Variants in PTBP3 observed in about 807,000 individuals in gnomAD.
PTBP3 encodes the protein polypyrimidine tract-binding protein 3.
In PTBP3, 20 loss-of-function variants were observed where a neutral mutation model predicts 58.7. The observed-to-expected ratio is 0.34, with a 90% CI of 0.24 to 0.50. The LOEUF (loss-of-function observed/expected upper bound fraction) is 0.50. Among genes scored for constraint, PTBP3 ranks in the 20% least tolerant of loss-of-function variants. The probability of loss-of-function intolerance (pLI) is 0.98; values close to 1 mark genes in which losing one functional copy is unlikely to be tolerated. For missense variants in PTBP3, 509 were observed against 637.2 expected (o/e 0.80, Z 2.17); for synonymous variants, 185 against 219.8 (o/e 0.84, Z 1.40).
At chr9:112,238,125 A>T (rs1835506025) in intron 7 of PTBP3, among the ~76,000 whole-genome samples, 1 of 152,184 alleles carries the variant, frequency 6.6e-6, no homozygotes, top group South Asian at 2.1e-4. Flanking sequence ...AAAAAACCCA[A>T]AAAGTCAGAA....
intron 5 of PTBP3, among the ~76,000 whole-genome samples, chr9:112,261,304 C>T (rs573992280): frequency 2.6e-5 from 4 of 152,298 alleles, no homozygotes; most frequent in South Asian, 2.1e-4. Flanking sequence ...AAACCCAGTA[C>T]GCCTACTCAA....
At chr9:112,330,726 T>A (rs1830335850) in intron 1 of PTBP3, among the ~76,000 whole-genome samples, 1 of 152,190 alleles carries the variant, frequency 6.6e-6, no homozygotes, top group Admixed American at 6.5e-5. Context: ...TAGGAAAGTA[T>A]AGTCAAACTT....
intron 2 of PTBP3, among the ~76,000 whole-genome samples, chr9:112,284,396 C>T (rs189887582): frequency 1.9e-4 from 29 of 152,268 alleles, no homozygotes; most frequent in Admixed American, 1.8e-3. Flanking sequence ...TATTTTGGAG[C>T]CTTAAGATTT....
chr9:112,287,349 T>TC, intron 2 of PTBP3, among the ~76,000 whole-genome samples: 1 of 146,504 alleles, frequency 6.8e-6, no homozygotes, highest in South Asian at 2.2e-4. Context: ...TTGTTTTTTT[T>TC]TTTTTTTTGA....
intron 2 of PTBP3, among the ~76,000 whole-genome samples, chr9:112,290,699 T>A (rs377613550): frequency 1.5e-5 from 1 of 64,618 alleles, no homozygotes; most frequent in Admixed American, 1.7e-4. Flanking sequence ...TATATATATA[T>A]ATATATATAC....
At chr9:112,233,951 G>A (rs77404729) in intron 8 of PTBP3, among the ~76,000 whole-genome samples, 10 of 74,924 alleles carry the variant, frequency 1.3e-4, no homozygotes, top group South Asian at 5.2e-4. Flanking sequence ...ACAAAAAAAA[G>A]AGAGAGAGAG....
the PTBP3 span, among the ~76,000 whole-genome samples, chr9:112,352,570 C>T: frequency 2.6e-5 from 4 of 152,168 alleles, no homozygotes; most frequent in African/African-American, 9.7e-5. Flanking sequence ...AAAATGAACC[C>T]CAGGGTGTAT....
intron 2 of PTBP3, among the ~76,000 whole-genome samples, chr9:112,285,279 T>C (rs1379258090): frequency 1.3e-5 from 2 of 152,236 alleles, no homozygotes; most frequent in Non-Finnish European, 2.9e-5. Context: ...TGCTGCCATG[T>C]AATAAGACTT....
intron 1 of PTBP3, chr9:112,330,504 GA>G: frequency 6.8e-7 from 1 of 1,461,634 alleles, no homozygotes; most frequent in Non-Finnish European, 9.4e-7. Context: ...AGAGAAAATG[GA>G]AAACAAAGTT....
At chr9:112,295,296 T>G (rs1828628764) in intron 2 of PTBP3, among the ~76,000 whole-genome samples, 1 of 150,958 alleles carries the variant, frequency 6.6e-6, no homozygotes. Context: ...AAAGTCTAAA[T>G]GTAGGAATTC....
chr9:112,218,199 G>C (rs574069203), downstream of PTBP3: 1 of 152,222 alleles, frequency 6.6e-6, no homozygotes, highest in East Asian at 1.9e-4. Context: ...TGCATCATAG[G>C]AAGATTAGGA....
the PTBP3 span, among the ~76,000 whole-genome samples, chr9:112,339,421 T>C: frequency 0.29 from 43,686 of 151,924 alleles, 7,114 homozygotes; most frequent in South Asian, 0.41. Flanking sequence ...TCCTTAAAAC[T>C]GTTGTCCCCC....
At chr9:112,244,829 C>CA (rs1554790366) in intron 7 of PTBP3, among the ~76,000 whole-genome samples, 1 of 148,390 alleles carries the variant, frequency 6.7e-6, no homozygotes, top group Non-Finnish European at 1.5e-5. Context: ...ACTGCTGCTG[C>CA]TTTTTTTTTT....
chr9:112,320,361 A>G (rs1400376468), intron 1 of PTBP3, among the ~76,000 whole-genome samples: 7 of 145,682 alleles, frequency 4.8e-5, no homozygotes, highest in African/African-American at 1.5e-4. Flanking sequence ...GTGACAATGC[A>G]TATGTTAATT....
At chr9:112,236,191 A>T (rs1288739650) in intron 7 of PTBP3, among the ~76,000 whole-genome samples, 2 of 152,196 alleles carry the variant, frequency 1.3e-5, no homozygotes, top group South Asian at 2.1e-4. Flanking sequence ...AATTATAGTA[A>T]TTCAAGAAAA....
In PTBP3 at chr9:112,325,810, G is replaced by A. The variant is rs927402925; in HGVS notation, c.-52+7660C>T. 9.2e-5 allele frequency among the ~76,000 whole-genome samples: 14 copies of A among 152,234 alleles called. No individual in the cohort carries two copies. In the South Asian group the frequency reaches 2.5e-3, roughly 27 times the overall value. ...TGGCCGAGGCAAGCAGATGGCTTGA[G>A]CCCAGGAGACCAGCCTGGCCAACAT... On this transcript the variant is annotated intron_variant, in intron 1 of 13. Coordinates refer to ENST00000374257, the MANE Select transcript of PTBP3 (RefSeq NM_001163788.4).
At chr9:112,308,397 CAT>C (rs1829325645) in intron 1 of PTBP3, among the ~76,000 whole-genome samples, 1 of 145,244 alleles carries the variant, frequency 6.9e-6, no homozygotes, top group African/African-American at 2.5e-5. Flanking sequence ...CTTTCCTAGA[CAT>C]AAATTCTTTC....
intron 2 of PTBP3, among the ~76,000 whole-genome samples, chr9:112,282,046 G>C (rs1359425170): frequency 6.6e-6 from 1 of 152,140 alleles, no homozygotes; most frequent in Non-Finnish European, 1.5e-5. Flanking sequence ...AAGCTCTCTA[G>C]TGTCTCTTAA....
chr9:112,284,339 C>T (rs919355947), intron 2 of PTBP3, among the ~76,000 whole-genome samples: 4 of 152,202 alleles, frequency 2.6e-5, no homozygotes, highest in African/African-American at 9.6e-5. Context: ...GAAGCTCACT[C>T]TTTGCAAAAG....
Sources: allele counts gnomAD v4.1 joint callset (sites outside exome capture counted in the v4.1 genomes callset), GRCh38; gene constraint gnomAD v4.1.1; transcripts MANE v1.5; gene names NCBI Gene and HGNC (gene_info 2026-07-23, HGNC 2026-07-21).